Variants in TRPM2 observed in about 807,000 individuals in gnomAD.
The protein encoded by TRPM2 is estrogen-responsive element-associated gene 1 protein.
TRPM2 carries 161 observed loss-of-function variants against 174.0 expected under a neutral mutation model. The ratio of observed to expected loss-of-function variants is 0.93; its 90% CI spans 0.81 to 1.05. TRPM2 has a LOEUF of 1.05. Among genes scored for constraint, TRPM2 ranks in the 50% least tolerant of loss-of-function variants. The probability of loss-of-function intolerance (pLI) is 0.00; values close to 1 mark genes in which losing one functional copy is unlikely to be tolerated. For synonymous variants in TRPM2, 954 were observed against 861.3 expected, an observed-to-expected ratio of 1.11 and a Z score of -1.88; for missense variants, 2,057 against 2,038.0, an observed-to-expected ratio of 1.01 and a Z score of -0.18.
intron 31 of TRPM2, 26 bp from the exon 32 acceptor site, chr21:44,441,666 G>C: frequency 1.3e-6 from 2 of 1,593,868 alleles, no homozygotes; most frequent in Non-Finnish European, 8.5e-7. Flanking sequence ...TGGCGGGGAG[G>C]GTCAGCTGTG....
In TRPM2 at chr21:44,403,608, CAT is replaced by C. The variant is rs201145568; in HGVS notation, c.2539-1532_2539-1531del. ...TGCACACACATGCACACAGTACACA[CAT>C]AGGCACACACATTCATGCATATGTA... On this transcript the variant is annotated intron_variant, in intron 16 of 31. Coordinates refer to ENST00000397928, the MANE Select transcript of TRPM2 (RefSeq NM_003307.4). Among the ~76,000 whole-genome samples the C allele has an allele frequency of 4.7e-3, 709 of 151,302 alleles. 4 individuals are homozygous for C. The highest frequency in any genetic ancestry group is 6.4e-3 in the Non-Finnish European group (435 of 67,766).
chr21:44,438,892 C>G lies in TRPM2; in HGVS notation c.4168-175C>G. The G allele has an allele frequency of 1.8e-6, 1 of 553,580 alleles. No homozygotes were observed. Among genetic ancestry groups the G allele is most frequent in the South Asian group, 2.0e-5 (1 of 50,938 alleles). The allele number at this position is 553,580 out of a possible 1,614,324, so 34.3% of individuals were successfully genotyped here. ...CCACGGCAGGCCTCACAGATGCTGACGTGGACGGCGGGTTCTGGGCAATGT... is the reference window on the plus strand; with the variant it reads ...CCACGGCAGGCCTCACAGATGCTGAGGTGGACGGCGGGTTCTGGGCAATGT... On this transcript the variant is annotated intron_variant, in intron 29 of 31. Coordinates refer to ENST00000397928, the MANE Select transcript of TRPM2 (RefSeq NM_003307.4). This position sits in a 1 kb window ranked among gnomAD's most constrained non-coding sequence, Gnocchi z 5.9.
chr21:44,360,648 T>C (rs1418473024), intron 2 of TRPM2, among the ~76,000 whole-genome samples: 3 of 150,264 alleles, frequency 2.0e-5, no homozygotes, highest in Admixed American at 6.6e-5. Flanking sequence ...CTCACTGCAA[T>C]CTCCGCCTCC....
chr21:44,365,032 A>C, intron 3 of TRPM2, among the ~76,000 whole-genome samples: 1 of 150,000 alleles, frequency 6.7e-6, no homozygotes, highest in Non-Finnish European at 1.5e-5. Flanking sequence ...GGGTTCTGAG[A>C]CTCGCGTGTT....
chr21:44,381,379 TGATG>T (rs941643059), intron 8 of TRPM2, among the ~76,000 whole-genome samples: 3 of 151,366 alleles, frequency 2.0e-5, no homozygotes, highest in Admixed American at 6.6e-5. Context: ...AGGGATGCCA[TGATG>T]GATGGATGGA....
chr21:44,397,735 T>C lies in TRPM2; in HGVS notation c.1933-12T>C, dbSNP rs199655558. On this transcript the variant is annotated splice_polypyrimidine_tract_variant and intron_variant, in intron 12 of 31. Transcript: ENST00000397928. ...GGCTCTTTAGTCTCACGGTGGCTCC[T>C]CTGGTCCCCAGAGCCAGGACTGCAT... The C allele has an allele frequency of 8.6e-5, 135 of 1,563,104 alleles. No homozygotes were observed. The highest frequency in any genetic ancestry group is 3.5e-4 in the Middle Eastern group (2 of 5,794).
chr21:44,367,415 G>A lies in TRPM2; in HGVS notation c.604+481G>A, dbSNP rs1019745259. ...TGTTTTTCCATCAAAATCAGGGAAG[G>A]AGCATTATTATTTCCATCTCTTCAC... On this transcript the variant is annotated intron_variant, in intron 4 of 31. Transcript: ENST00000397928. The surrounding 1 kb of genome is among the most constrained non-coding windows in gnomAD (Gnocchi z 4.6). Among the ~76,000 whole-genome samples the A allele has an allele frequency of 6.6e-6, 1 of 152,188 alleles. No individual in the cohort carries two copies. Among genetic ancestry groups the A allele is most frequent in the Non-Finnish European group, 1.5e-5 (1 of 68,036 alleles).
At chr21:44,388,866 A>C (rs1031157975) in intron 9 of TRPM2, among the ~76,000 whole-genome samples, 5 of 152,200 alleles carry the variant, frequency 3.3e-5, no homozygotes, top group Admixed American at 2.0e-4. Flanking sequence ...CCAAAAAGTT[A>C]AGATGGTAAA....
rs531505082 is a variant in TRPM2 at position 44,438,777 on chromosome 21, C to G, written c.4168-290C>G. On this transcript the variant is annotated intron_variant, in intron 29 of 31. Coordinates refer to ENST00000397928, the MANE Select transcript of TRPM2 (RefSeq NM_003307.4). This position sits in a 1 kb window ranked among gnomAD's most constrained non-coding sequence, Gnocchi z 5.9. ...GAGCGGGAAGGGGGTGCCCTGTCAC[C>G]CTTGGGGAGTCTGAGCTCAGGGTGG... Among the ~76,000 whole-genome samples, 4 of 152,250 alleles carry G rather than the reference C, an allele frequency of 2.6e-5. No individual in the cohort carries two copies. The East Asian group carries it at 7.7e-4, about 29-fold the overall frequency.
In TRPM2 at chr21:44,405,972, C is replaced by T. The variant is rs77759997; in HGVS notation, c.2725C>T (p.Arg909Trp). 2.0e-4 allele frequency: 322 copies of T among 1,608,822 alleles called. 1 individual carries two copies. In the East Asian group the frequency reaches 3.8e-3, roughly 19 times the overall value. ...LSLDFILFCL[R>W]LMHIFTISKT... is the part of the protein sequence containing the mutation. ...TCTGGACTTCATCCTGTTCTGCCTCCGGCTCATGCACATTTTTACCATCAG... is the reference window on the plus strand; with the variant it reads ...TCTGGACTTCATCCTGTTCTGCCTCTGGCTCATGCACATTTTTACCATCAG... Residue 909 changes from arginine to tryptophan, a missense_variant, in exon 18 of 32, where the codon CGG becomes TGG. Arg to Trp is a moderately radical substitution (Grantham distance 101). Coordinates refer to ENST00000397928, the MANE Select transcript of TRPM2 (RefSeq NM_003307.4).
chr21:44,431,206 G>A (rs2051009719), intron 27 of TRPM2, among the ~76,000 whole-genome samples: 1 of 151,606 alleles, frequency 6.6e-6, no homozygotes, highest in Non-Finnish European at 1.5e-5. Flanking sequence ...TCTAAGACCT[G>A]GTAGGCTGTA....
intron 27 of TRPM2, among the ~76,000 whole-genome samples, chr21:44,428,063 C>T (rs958090885): frequency 3.9e-5 from 6 of 152,102 alleles, no homozygotes; most frequent in African/African-American, 7.2e-5. Context: ...CTTGGCAGGA[C>T]GTGGTGTCCA....
intron 20 of TRPM2, 122 bp from the exon 21 acceptor site, chr21:44,417,805 A>G (rs920203289): frequency 2.9e-6 from 3 of 1,018,904 alleles, no homozygotes; most frequent in Admixed American, 4.9e-5. Flanking sequence ...CTGTGGCATC[A>G]CAGTGGGCAT....
intron 26 of TRPM2, 118 bp from the exon 27 acceptor site, chr21:44,426,892 G>A: frequency 1.5e-6 from 2 of 1,341,026 alleles, no homozygotes; most frequent in Non-Finnish European, 2.1e-6. Context: ...CTACTGTTGT[G>A]TACACCCAGC....
At chr21:44,380,727 CG>C (rs1372055633) in intron 8 of TRPM2, among the ~76,000 whole-genome samples, 1 of 152,132 alleles carries the variant, frequency 6.6e-6, no homozygotes, top group Non-Finnish European at 1.5e-5. Flanking sequence ...TGCTGGTGGG[CG>C]GCCCCGTCAG....
chr21:44,405,354 G>A (rs1205738377), intron 17 of TRPM2, 94 bp downstream of exon 17: 2 of 1,560,628 alleles, frequency 1.3e-6, no homozygotes, highest in African/African-American at 1.4e-5. Flanking sequence ...CACACCGGGT[G>A]AGGCTCAGCT....
chr21:44,355,951 C>T (rs745879913), intron 2 of TRPM2, among the ~76,000 whole-genome samples: 5 of 151,562 alleles, frequency 3.3e-5, no homozygotes, highest in Non-Finnish European at 7.4e-5. Context: ...TGCATATAAA[C>T]TATGTACATC....
intron 5 of TRPM2, among the ~76,000 whole-genome samples, chr21:44,370,946 G>A (rs1602149086): frequency 6.6e-6 from 1 of 152,224 alleles, no homozygotes; most frequent in Admixed American, 6.5e-5. Context: ...CTCTGTGGAC[G>A]GCGGAGGGTG....
chr21:44,384,996 A>C (rs1048450234), intron 9 of TRPM2, among the ~76,000 whole-genome samples: 3 of 152,270 alleles, frequency 2.0e-5, no homozygotes, highest in African/African-American at 7.2e-5. Context: ...AGAAAACTAC[A>C]GACCAATATC....
Sources: gnomAD v4.1 joint callset for allele counts (sites outside exome capture counted in the v4.1 genomes callset) on GRCh38, gnomAD v4.1.1 for gene constraint, Gnocchi (gnomAD v3.1) non-coding constraint, MANE v1.5 for transcripts, NCBI Gene and HGNC (gene_info 2026-07-23, HGNC 2026-07-21) for gene names.